The following IGF2BP2 variants were observed in gnomAD, a reference collection of about 807,000 sequenced individuals.
IGF2BP2 encodes the protein insulin like growth factor 2 mRNA binding protein 2.
In IGF2BP2, 17 loss-of-function variants were observed where a neutral mutation model predicts 75.8. The observed-to-expected ratio is 0.22, with a 90% CI of 0.15 to 0.34. IGF2BP2 has a LOEUF of 0.34. IGF2BP2 is among the 10% of genes least tolerant of loss of function. The pLI, the probability that IGF2BP2 is intolerant of heterozygous loss-of-function variation, is 1.00. For synonymous variants in IGF2BP2, 288 were observed against 295.6 expected (o/e 0.97, Z 0.26); for missense variants, 516 against 772.4 (o/e 0.67, Z 3.93).
intron 2 of IGF2BP2, among the ~76,000 whole-genome samples, chr3:185,710,379 G>C (rs184370591): frequency 6.6e-6 from 1 of 152,214 alleles, no homozygotes; most frequent in Non-Finnish European, 1.5e-5. Flanking sequence ...CCAACACGCA[G>C]AGTCTGCCCC....
chr3:185,690,872 A>G (rs555325488), intron 5 of IGF2BP2, among the ~76,000 whole-genome samples: 2 of 152,284 alleles, frequency 1.3e-5, no homozygotes, highest in African/African-American at 4.8e-5. Context: ...CTTTTCACAT[A>G]TTTTTAGTAG....
chr3:185,724,020 C>T (rs979214155), intron 2 of IGF2BP2, among the ~76,000 whole-genome samples: 1 of 152,172 alleles, frequency 6.6e-6, no homozygotes, highest in Admixed American at 6.5e-5. Context: ...AGACAAATTT[C>T]GGTAACTCTA....
intron 4 of IGF2BP2, among the ~76,000 whole-genome samples, chr3:185,695,417 AG>A (rs1325724242): frequency 1.3e-5 from 2 of 152,174 alleles, no homozygotes; most frequent in African/African-American, 4.8e-5. Context: ...TGACAGAGGA[AG>A]GGTAGAAATT....
intron 2 of IGF2BP2, among the ~76,000 whole-genome samples, chr3:185,714,274 T>C (rs1292859137): frequency 6.6e-6 from 1 of 152,228 alleles, no homozygotes; most frequent in African/African-American, 2.4e-5. Context: ...TTTATGAATG[T>C]ACCATAATTA....
At chr3:185,760,329 T>C (rs1335498280) in intron 2 of IGF2BP2, among the ~76,000 whole-genome samples, 3 of 152,202 alleles carry the variant, frequency 2.0e-5, no homozygotes, top group South Asian at 2.1e-4. Flanking sequence ...AGTTTTTTTT[T>C]CCCTTCAGTA....
intron 5 of IGF2BP2, among the ~76,000 whole-genome samples, chr3:185,691,517 T>A (rs1721951662): frequency 6.6e-6 from 1 of 152,248 alleles, no homozygotes; most frequent in Non-Finnish European, 1.5e-5. Flanking sequence ...TAGCCAAGGT[T>A]ATGCCACACC....
chr3:185,679,571 GCTGT>G (rs749019182), intron 7 of IGF2BP2, among the ~76,000 whole-genome samples: 7 of 151,840 alleles, frequency 4.6e-5, no homozygotes, highest in African/African-American at 1.2e-4. Context: ...GCTTTGTGTT[GCTGT>G]CTATCATTCT....
chr3:185,667,731 G>C (rs1346910817), intron 10 of IGF2BP2, among the ~76,000 whole-genome samples: 1 of 152,092 alleles, frequency 6.6e-6, no homozygotes, highest in Non-Finnish European at 1.5e-5. Flanking sequence ...TCACACACTT[G>C]TGCAAAGATT....
intron 3 of IGF2BP2, among the ~76,000 whole-genome samples, chr3:185,697,553 CTTTAT>C (rs748923645): frequency 3.3e-5 from 5 of 152,028 alleles, no homozygotes; most frequent in Admixed American, 2.6e-4. Flanking sequence ...CATATTCTTA[CTTTAT>C]TTTAAGGTAG....
At chr3:185,689,191 G>A (rs1366028609) in intron 6 of IGF2BP2, 164 bp downstream of exon 6, 1 of 688,690 alleles carries the variant, frequency 1.5e-6, no homozygotes, top group East Asian at 2.8e-5. Flanking sequence ...ACAGCCCCCA[G>A]CTTGATGTTA....
intron 15 of IGF2BP2, chr3:185,646,811 G>A: frequency 1.7e-6 from 1 of 580,672 alleles, no homozygotes. Context: ...CAAGCTCCTA[G>A]CATACATACC....
chr3:185,729,250 T>C (rs12635769), intron 2 of IGF2BP2, among the ~76,000 whole-genome samples: 18,591 of 152,208 alleles, frequency 0.12, 1,284 homozygotes, highest in African/African-American at 0.18. Context: ...ATCATTTGAA[T>C]TGGGAGCTGA....
At chr3:185,698,268 A>G (rs928164669) in intron 3 of IGF2BP2, 31 bp downstream of exon 3, 34 of 1,593,190 alleles carry the variant, frequency 2.1e-5, no homozygotes, top group Non-Finnish European at 2.7e-5. Context: ...GAAATGTCTC[A>G]TCAACCCATT....
At chr3:185,737,734 A>C (rs989728491) in intron 2 of IGF2BP2, among the ~76,000 whole-genome samples, 1 of 152,250 alleles carries the variant, frequency 6.6e-6, no homozygotes, top group Non-Finnish European at 1.5e-5. Context: ...CTACACAAGA[A>C]GACAGACTAG....
chr3:185,704,014 G>A (rs568777925), intron 2 of IGF2BP2, among the ~76,000 whole-genome samples: 1 of 152,260 alleles, frequency 6.6e-6, no homozygotes, highest in Non-Finnish European at 1.5e-5. Context: ...CTAGGAACTG[G>A]AGGATTCCCA....
intron 2 of IGF2BP2, among the ~76,000 whole-genome samples, chr3:185,771,728 T>C (rs1733901044): frequency 6.6e-6 from 1 of 152,198 alleles, no homozygotes; most frequent in African/African-American, 2.4e-5. Context: ...TTTGAATAAG[T>C]AGTCTTGTCC....
At position 185,730,080 on chromosome 3, in the gene IGF2BP2, G is replaced by C. The variant is rs1199529630; in HGVS notation, c.240-31733C>G. On this transcript the variant is annotated intron_variant, in intron 2 of 15. Transcript: ENST00000382199. ...TTCTACTGAACCCATCACTCAAATA[G>C]TGAACACTGTACACAATAGTTAATT... Among the ~76,000 whole-genome samples, 5 of 152,106 alleles carry C rather than the reference G, an allele frequency of 3.3e-5. No homozygotes were observed. In the East Asian group the frequency reaches 9.6e-4, roughly 29 times the overall value.
At chr3:185,734,855 G>A (rs1728647003) in intron 2 of IGF2BP2, among the ~76,000 whole-genome samples, 1 of 152,042 alleles carries the variant, frequency 6.6e-6, no homozygotes, top group African/African-American at 2.4e-5. Context: ...TTCAAATCCA[G>A]GTTTTCCCAC....
intron 2 of IGF2BP2, among the ~76,000 whole-genome samples, chr3:185,758,871 G>A (rs945397759): frequency 2.6e-5 from 4 of 152,144 alleles, no homozygotes; most frequent in Non-Finnish European, 5.9e-5. Flanking sequence ...AAACTGCTTG[G>A]GGTGATAGAG....
Sources: allele counts gnomAD v4.1 joint callset (sites outside exome capture counted in the v4.1 genomes callset), GRCh38; gene constraint gnomAD v4.1.1; transcripts MANE v1.5; gene names NCBI Gene and HGNC (gene_info 2026-07-23, HGNC 2026-07-21).